HNF1B: variants seen among roughly 807,000 people sequenced by gnomAD.
HNF1B encodes HNF1 homeobox B.
A neutral mutation model predicts 61.7 loss-of-function variants in HNF1B; 8 were observed. The observed-to-expected ratio is 0.13, with a 90% CI of 0.08 to 0.23. HNF1B has a LOEUF of 0.23. Among genes scored for constraint, HNF1B ranks in the 10% least tolerant of loss-of-function variants. The probability of loss-of-function intolerance (pLI) is 1.00; values close to 1 mark genes in which losing one functional copy is unlikely to be tolerated. For synonymous variants in HNF1B, 314 were observed against 287.7 expected (o/e 1.09, Z -0.93); for missense variants, 562 against 714.5 (o/e 0.79, Z 2.43).
chr17:37,700,200 A>G (rs1478902673), intron 7 of HNF1B, among the ~76,000 whole-genome samples: 1 of 147,622 alleles, frequency 6.8e-6, no homozygotes, highest in Non-Finnish European at 1.5e-5. Context: ...TTTCTGAAGC[A>G]GAGAAGCCAC....
In HNF1B at chr17:37,739,507, A is replaced by T. The variant is rs1212716750; in HGVS notation, c.477T>A (p.Pro159=). The T allele has an allele frequency of 6.2e-7, 1 of 1,614,156 alleles. No homozygotes were observed. The highest frequency in any genetic ancestry group is 2.2e-5 in the East Asian group (1 of 44,872). Residue 159 remains proline, a synonymous_variant, in exon 2 of 9, where the codon CCT becomes CCA. Coordinates refer to ENST00000617811, the MANE Select transcript of HNF1B (RefSeq NM_000458.4). ...HLSQHLNKGT[P]MKTQKRAALY... is the part of the protein sequence containing the mutation. ...GAGCGGCACGCTTCTGGGTCTTCATAGGGGTGCCCTTGTTGAGATGCTGGG... is the reference window on the plus strand; with the variant it reads ...GAGCGGCACGCTTCTGGGTCTTCATTGGGGTGCCCTTGTTGAGATGCTGGG...
At chr17:37,718,453 C>A (rs771592710) in intron 4 of HNF1B, among the ~76,000 whole-genome samples, 2 of 152,210 alleles carry the variant, frequency 1.3e-5, no homozygotes, top group Non-Finnish European at 2.9e-5. Flanking sequence ...GTATGTTACA[C>A]CCATCTGCTT....
intron 4 of HNF1B, among the ~76,000 whole-genome samples, chr17:37,724,832 ATGAC>A (rs2034493961): frequency 1.3e-5 from 2 of 152,132 alleles, no homozygotes; most frequent in South Asian, 4.1e-4. Context: ...GATAATAACC[ATGAC>A]TGACTAATTG....
At chr17:37,740,652 C>A (rs1227161708) in intron 1 of HNF1B, among the ~76,000 whole-genome samples, 3 of 151,406 alleles carry the variant, frequency 2.0e-5, no homozygotes, top group African/African-American at 7.3e-5. Context: ...AAAAAAAAAT[C>A]CACAGCTCCA....
intron 4 of HNF1B, among the ~76,000 whole-genome samples, chr17:37,725,803 C>T (rs563645739): frequency 5.3e-5 from 8 of 152,340 alleles, no homozygotes; most frequent in Admixed American, 6.5e-5. Flanking sequence ...AGGGAGGGGG[C>T]GGAGCTCCCA....
intron 4 of HNF1B, among the ~76,000 whole-genome samples, chr17:37,712,939 C>G (rs1229816666): frequency 6.6e-6 from 1 of 152,192 alleles, no homozygotes; most frequent in Non-Finnish European, 1.5e-5. Flanking sequence ...AGGACAGATT[C>G]TAAACACTGA....
chr17:37,731,330 G>A, intron 4 of HNF1B: 1 of 602,840 alleles, frequency 1.7e-6, no homozygotes, highest in Admixed American at 2.6e-5. Flanking sequence ...CACACAGGGA[G>A]AAGAAGAGGG....
At chr17:37,728,383 T>C (rs893298284) in intron 4 of HNF1B, among the ~76,000 whole-genome samples, 8 of 150,744 alleles carry the variant, frequency 5.3e-5, no homozygotes, top group African/African-American at 1.5e-4. Context: ...CTCTGCTCCC[T>C]GCAAGCTCCG....
At chr17:37,700,846 G>C in intron 7 of HNF1B, 137 bp downstream of exon 7, 1 of 777,522 alleles carries the variant, frequency 1.3e-6, no homozygotes, top group Non-Finnish European at 2.2e-6. Context: ...TTGAGAAATT[G>C]TCTTAGTCGG....
chr17:37,702,468 C>T (rs777992336), intron 6 of HNF1B, among the ~76,000 whole-genome samples: 3 of 152,140 alleles, frequency 2.0e-5, no homozygotes, highest in Non-Finnish European at 4.4e-5. Flanking sequence ...CTCCAGTTCC[C>T]CAGGGGGCTC....
chr17:37,739,957 A>T lies in HNF1B; in HGVS notation c.345-318T>A, dbSNP rs185327703. Among the ~76,000 whole-genome samples, 147 of 151,436 alleles carry T rather than the reference A, an allele frequency of 9.7e-4. 1 individual carries two copies. Among genetic ancestry groups the T allele is most frequent in the African/African-American group, 2.4e-3 (97 of 40,962 alleles). ...AAGCTCTTGTTTTATTTAATTAATT[A>T]ATTAATTTATTTATTATTATTTTTT... is the stretch of plus-strand genomic sequence containing the variant. On this transcript the variant is annotated intron_variant, in intron 1 of 8. Coordinates refer to ENST00000617811, the MANE Select transcript of HNF1B (RefSeq NM_000458.4).
rs988279557 is a variant in HNF1B, at chr17:37,731,712, G to A, written c.928C>T (p.Arg310Trp). 1.2e-6 allele frequency: 2 copies of A among 1,614,152 alleles called. No individual in the cohort carries two copies. Among genetic ancestry groups the A allele is most frequent in the Non-Finnish European group, 1.7e-6 (2 of 1,180,020 alleles). ...FANRRKEEAF[R>W]QKLAMDAYSS... ...TAGGCGTCCATGGCCAGCTTTTGCC[G>A]GAATGCCTCCTCCTTCCTGCGGTTT... The change falls in exon 4 of 9, where the codon CGG becomes TGG. Residue 310 changes from arginine (R) to tryptophan (W), a missense_variant. Around this residue, in one of 6 missense-constraint regions of HNF1B, gnomAD observed 54 missense variants for 122.1 expected, o/e 0.44. Transcript: ENST00000617811.
intron 8 of HNF1B, among the ~76,000 whole-genome samples, chr17:37,688,759 C>T (rs2032079393): frequency 6.6e-6 from 1 of 152,158 alleles, no homozygotes; most frequent in South Asian, 2.1e-4. Flanking sequence ...TGAGTCAACA[C>T]CTGTGGAGTC....
intron 5 of HNF1B, among the ~76,000 whole-genome samples, chr17:37,708,729 G>T (rs8065904): frequency 2.2e-3 from 330 of 152,314 alleles, no homozygotes; most frequent in African/African-American, 7.4e-3. Context: ...ACATGGAGAA[G>T]AATCTTTCTT....
chr17:37,743,678 T>C (rs910829441), intron 1 of HNF1B, among the ~76,000 whole-genome samples: 5 of 152,152 alleles, frequency 3.3e-5, no homozygotes, highest in Non-Finnish European at 7.3e-5. Context: ...AGATAATTAG[T>C]AACCAGCTGT....
chr17:37,731,551 G>A (rs1349769516), intron 4 of HNF1B, 44 bp downstream of exon 4: 3 of 1,491,880 alleles, frequency 2.0e-6, no homozygotes, highest in Non-Finnish European at 1.8e-6. Flanking sequence ...GCAAGAACCA[G>A]GATGGTTGGG....
At chr17:37,744,510 G>A (rs769143593) in intron 1 of HNF1B, 31 bp downstream of exon 1, 52 of 1,596,266 alleles carry the variant, frequency 3.3e-5, no homozygotes, top group East Asian at 6.7e-5. Context: ...AGGGGTTCGG[G>A]TGGGTCCCCT....
chr17:37,699,990 C>T (rs567651795), intron 7 of HNF1B, among the ~76,000 whole-genome samples: 29 of 152,324 alleles, frequency 1.9e-4, no homozygotes, highest in East Asian at 7.7e-4. Context: ...GCTTACCAAA[C>T]GCAGTTTACC....
intron 4 of HNF1B, among the ~76,000 whole-genome samples, chr17:37,721,719 CT>C (rs200443525): frequency 0.29 from 42,033 of 144,196 alleles, 6,216 homozygotes; most frequent in East Asian, 0.39. Context: ...ATCTCTCTCT[CT>C]TTTTTTTTTT....
Sources: allele counts gnomAD v4.1 joint callset (sites outside exome capture counted in the v4.1 genomes callset), GRCh38; gene constraint gnomAD v4.1.1; regional missense constraint gnomAD v4.1.1; transcripts MANE v1.5; gene names NCBI Gene and HGNC (gene_info 2026-07-23, HGNC 2026-07-21).